The following LPP variants were observed in gnomAD, a reference collection of about 807,000 sequenced individuals.
LPP encodes the protein LIM domain containing preferred translocation partner in lipoma.
LPP carries 38 observed loss-of-function variants against 60.4 expected under a neutral mutation model. The ratio of observed to expected loss-of-function variants is 0.63; its 90% CI spans 0.49 to 0.83. The LOEUF is 0.83. Ranked by LOEUF, LPP falls within the 40% of genes least tolerant of loss-of-function variation. The pLI, the probability that LPP is intolerant of heterozygous loss-of-function variation, is 0.00. For missense variants in LPP, 902 were observed against 783.6 expected, an observed-to-expected ratio of 1.15 and a Z score of -1.80; for synonymous variants, 328 against 290.8, an observed-to-expected ratio of 1.13 and a Z score of -1.30.
At chr3:188,819,669 A>G (rs145424907) in intron 9 of LPP, among the ~76,000 whole-genome samples, 1 of 152,252 alleles carries the variant, frequency 6.6e-6, no homozygotes, top group East Asian at 1.9e-4. Context: ...GGTGGGAATG[A>G]GGAAAAAGAA....
chr3:188,431,798 A>G (rs7649407), intron 4 of LPP, among the ~76,000 whole-genome samples: 44,577 of 152,120 alleles, frequency 0.29, 6,784 homozygotes, highest in Non-Finnish European at 0.31. Flanking sequence ...GTATGATTCA[A>G]CTACAGATAT....
chr3:188,512,574 A>AATAC (rs1816083010), intron 5 of LPP, among the ~76,000 whole-genome samples: 5 of 151,014 alleles, frequency 3.3e-5, no homozygotes, highest in African/African-American at 1.2e-4. Context: ...TAAATAAATA[A>AATAC]ATAAATAAAT....
chr3:188,404,957 G>A (rs529105673), intron 3 of LPP, among the ~76,000 whole-genome samples: 3 of 152,154 alleles, frequency 2.0e-5, no homozygotes, highest in Non-Finnish European at 4.4e-5. Context: ...GGCTTACCCT[G>A]ACAGAGGAGA....
chr3:188,768,581 A>G (rs1051583864), intron 9 of LPP, among the ~76,000 whole-genome samples: 2 of 152,190 alleles, frequency 1.3e-5, no homozygotes, highest in Admixed American at 1.3e-4. Context: ...ATGCATTCAT[A>G]TTTAAAAACA....
intron 2 of LPP, among the ~76,000 whole-genome samples, chr3:188,284,939 A>G (rs1408556712): frequency 2.0e-5 from 3 of 152,084 alleles, no homozygotes; most frequent in African/African-American, 7.2e-5. Flanking sequence ...TGGGAGATGT[A>G]TCGGTTCAGA....
chr3:188,238,324 T>G (rs1466938451), intron 2 of LPP, among the ~76,000 whole-genome samples: 1 of 152,230 alleles, frequency 6.6e-6, no homozygotes, highest in African/African-American at 2.4e-5. Context: ...TGTTTCACTT[T>G]CTTATCATTC....
chr3:188,728,997 A>T (rs897904917), intron 8 of LPP, among the ~76,000 whole-genome samples: 22 of 152,312 alleles, frequency 1.4e-4, no homozygotes, highest in Non-Finnish European at 3.1e-4. Context: ...GATAAATGTT[A>T]TAAAGGAGCT....
intron 7 of LPP, among the ~76,000 whole-genome samples, chr3:188,633,504 A>C (rs1406754013): frequency 6.6e-6 from 1 of 152,220 alleles, no homozygotes; most frequent in East Asian, 1.9e-4. Context: ...TTGGAGTAAC[A>C]ATAAGAAAGA....
chr3:188,300,908 G>A (rs1381194443), intron 2 of LPP, among the ~76,000 whole-genome samples: 1 of 152,148 alleles, frequency 6.6e-6, no homozygotes, highest in Non-Finnish European at 1.5e-5. Context: ...GAAGATTGAA[G>A]GAGTAGTAAG....
chr3:188,267,228 G>A (rs1342598052), intron 2 of LPP, among the ~76,000 whole-genome samples: 1 of 152,122 alleles, frequency 6.6e-6, no homozygotes, highest in African/African-American at 2.4e-5. Context: ...CCAGGCTTTT[G>A]AGAGGCTCAG....
At chr3:188,201,566 G>C (rs1314572126) in intron 1 of LPP, among the ~76,000 whole-genome samples, 1 of 152,174 alleles carries the variant, frequency 6.6e-6, no homozygotes, top group Non-Finnish European at 1.5e-5. Context: ...AATTAGCCAG[G>C]AGTGGTGGCG....
At position 188,263,257 on chromosome 3, in the gene LPP, G is replaced by A. The variant is rs531865065; in HGVS notation, c.-67+37730G>A. ...AACAATGACACAGTGATTTATGAGG[G>A]TATGATGGGGCAGAGGGTAGCGGGT... On this transcript the variant is annotated intron_variant, in intron 2 of 11. Transcript: ENST00000617246. Among the ~76,000 whole-genome samples the A allele has an allele frequency of 7.0e-4, 106 of 152,282 alleles. 1 individual carries two copies. The highest frequency in any genetic ancestry group is 2.5e-3 in the African/African-American group (103 of 41,552).
chr3:188,215,057 G>C (rs1712975793), intron 1 of LPP, among the ~76,000 whole-genome samples: 1 of 152,122 alleles, frequency 6.6e-6, no homozygotes, highest in African/African-American at 2.4e-5. Flanking sequence ...TGTAATCCCA[G>C]CACTTTGAGA....
intron 2 of LPP, among the ~76,000 whole-genome samples, chr3:188,294,151 TAG>T (rs1279161426): frequency 6.7e-6 from 1 of 148,840 alleles, no homozygotes; most frequent in Non-Finnish European, 1.5e-5. Flanking sequence ...GGCAAATCTA[TAG>T]AGTCTGTAGC....
At chr3:188,205,731 C>G (rs1372869765) in intron 1 of LPP, among the ~76,000 whole-genome samples, 1 of 152,186 alleles carries the variant, frequency 6.6e-6, no homozygotes, top group Non-Finnish European at 1.5e-5. Context: ...TTACTGGAAT[C>G]AGACCTGGAA....
intron 11 of LPP, 108 bp downstream of exon 11, chr3:188,872,871 G>T: frequency 6.9e-7 from 1 of 1,446,864 alleles, no homozygotes; most frequent in Non-Finnish European, 9.3e-7. Flanking sequence ...CGGCCTTAGT[G>T]CCTGTACTCA....
intron 9 of LPP, among the ~76,000 whole-genome samples, chr3:188,783,786 C>A (rs1740614571): frequency 6.6e-6 from 1 of 152,090 alleles, no homozygotes; most frequent in Admixed American, 6.5e-5. Context: ...AGGCCCCTAT[C>A]CCTTCATAGA....
chr3:188,854,165 T>C (rs895638663), intron 9 of LPP, among the ~76,000 whole-genome samples: 2 of 152,240 alleles, frequency 1.3e-5, no homozygotes, highest in Non-Finnish European at 2.9e-5. Context: ...ACATCTGTAT[T>C]TCCTGCCTCT....
intron 1 of LPP, chr3:188,178,990 G>A (rs769043146): frequency 1.4e-5 from 4 of 291,044 alleles, no homozygotes; most frequent in East Asian, 2.1e-4. Context: ...GAGAGAGCAC[G>A]ACAAAGAGAG....
Sources: gnomAD v4.1 joint callset for allele counts (sites outside exome capture counted in the v4.1 genomes callset) on GRCh38, gnomAD v4.1.1 for gene constraint, MANE v1.5 for transcripts, NCBI Gene and HGNC (gene_info 2026-07-23, HGNC 2026-07-21) for gene names.